ZDHHC2: variants seen among roughly 807,000 people sequenced by gnomAD.
ZDHHC2 encodes the protein zDHHC palmitoyltransferase 2, also known as palmitoyltransferase ZDHHC2.
In ZDHHC2, 51 loss-of-function variants were observed where a neutral mutation model predicts 55.6. The observed-to-expected ratio is 0.92, with a 90% CI of 0.73 to 1.16. ZDHHC2 has a LOEUF of 1.16. Ranked by LOEUF, ZDHHC2 falls within the 50% of genes most tolerant of loss-of-function variation. The pLI is 0.00. For missense variants in ZDHHC2, 491 were observed against 442.4 expected, an observed-to-expected ratio of 1.11 and a Z score of -0.99; for synonymous variants, 199 against 152.9, an observed-to-expected ratio of 1.30 and a Z score of -2.22.
chr8:17,167,417 C>T (rs951199023), intron 1 of ZDHHC2, among the ~76,000 whole-genome samples: 16 of 151,192 alleles, frequency 1.1e-4, no homozygotes, highest in African/African-American at 2.7e-4. Context: ...GTAATTCTCC[C>T]GCCTCAGCCT....
intron 1 of ZDHHC2, among the ~76,000 whole-genome samples, chr8:17,165,729 C>T (rs1804568660): frequency 1.3e-5 from 2 of 152,206 alleles, no homozygotes; most frequent in South Asian, 4.1e-4. Flanking sequence ...AGTGGCATGA[C>T]ACAAAGCAAA....
At chr8:17,214,995 G>A (rs1396836285) in intron 10 of ZDHHC2, among the ~76,000 whole-genome samples, 2 of 152,154 alleles carry the variant, frequency 1.3e-5, no homozygotes, top group African/African-American at 2.4e-5. Context: ...AGATTTTCCA[G>A]TGTTAGAGAT....
chr8:17,171,406 C>T (rs1257842160), intron 1 of ZDHHC2, among the ~76,000 whole-genome samples: 1 of 152,134 alleles, frequency 6.6e-6, no homozygotes, highest in Non-Finnish European at 1.5e-5. Context: ...CCTTATTTAT[C>T]TACATTGCTT....
At chr8:17,197,890 C>G (rs542527158) in intron 5 of ZDHHC2, among the ~76,000 whole-genome samples, 38 of 152,276 alleles carry the variant, frequency 2.5e-4, no homozygotes, top group South Asian at 4.1e-4. Context: ...TTTAGCAGTT[C>G]TGACTTGGCT....
chr8:17,163,559 A>T (rs1804459805), intron 1 of ZDHHC2, among the ~76,000 whole-genome samples: 2 of 152,132 alleles, frequency 1.3e-5, no homozygotes, highest in Admixed American at 1.3e-4. Context: ...TTCTCAGAAA[A>T]ATAGAGCTAT....
chr8:17,165,946 G>C (rs1044086804), intron 1 of ZDHHC2, among the ~76,000 whole-genome samples: 3 of 152,222 alleles, frequency 2.0e-5, no homozygotes, highest in Non-Finnish European at 4.4e-5. Flanking sequence ...GCATGTGTGA[G>C]GAAGAGCAAG....
chr8:17,168,686 A>C (rs1226527562), intron 1 of ZDHHC2, among the ~76,000 whole-genome samples: 9 of 151,744 alleles, frequency 5.9e-5, no homozygotes, highest in Non-Finnish European at 8.8e-5. Flanking sequence ...CCACCATTCT[A>C]CTTTCTGCCT....
At chr8:17,195,703 A>G in intron 4 of ZDHHC2, 79 bp downstream of exon 4, 1 of 1,556,658 alleles carries the variant, frequency 6.4e-7, no homozygotes, top group Non-Finnish European at 8.8e-7. Context: ...GTGTTTATGT[A>G]CTTGAAATGG....
intron 10 of ZDHHC2, among the ~76,000 whole-genome samples, chr8:17,213,095 A>G (rs1190301640): frequency 1.3e-5 from 2 of 152,022 alleles, no homozygotes; most frequent in African/African-American, 4.8e-5. Context: ...TGTCCTTGCT[A>G]ATTCCCTTTC....
At chr8:17,204,502 A>T (rs1165571907) in intron 6 of ZDHHC2, among the ~76,000 whole-genome samples, 1 of 152,262 alleles carries the variant, frequency 6.6e-6, no homozygotes, top group South Asian at 2.1e-4. Context: ...GATGTATCAC[A>T]TTGACACAAG....
At position 17,205,815 on chromosome 8, in the gene ZDHHC2, T is replaced by C. The variant is rs746357006; in HGVS notation, c.597+40T>C. On this transcript the variant is annotated intron_variant, in intron 7 of 12. Coordinates refer to ENST00000262096, the MANE Select transcript of ZDHHC2 (RefSeq NM_016353.5). ...TGGTAACTCTTTTTTTGGTATACAA[T>C]AATAGATAATATAGGCTTTTCAGAA... The C allele has an allele frequency of 2.6e-6, 4 of 1,554,914 alleles. No homozygotes were observed. The Admixed American group carries it at 8.3e-5, about 32-fold the overall frequency.
At chr8:17,220,016 C>T (rs1313451379) in intron 12 of ZDHHC2, among the ~76,000 whole-genome samples, 1 of 129,296 alleles carries the variant, frequency 7.7e-6, no homozygotes, top group African/African-American at 2.9e-5. Context: ...CCTAGACCTA[C>T]TGAATCAGAG....
intron 6 of ZDHHC2, among the ~76,000 whole-genome samples, chr8:17,199,003 A>G (rs1362581001): frequency 2.6e-5 from 4 of 152,134 alleles, no homozygotes; most frequent in African/African-American, 4.8e-5. Flanking sequence ...TCCTTTTCCT[A>G]TAATTTTTCA....
rs375924295 is a variant in ZDHHC2 at position 17,186,333 on chromosome 8, G to A, written c.160G>A (p.Val54Met). The change falls in exon 3 of 13, where the codon GTG becomes ATG. Residue 54 changes from valine (V) to methionine (M), a missense_variant and splice_region_variant. By Grantham distance (21) the Val-to-Met change is conservative (BLOSUM62 1). Coordinates refer to ENST00000262096, the MANE Select transcript of ZDHHC2 (RefSeq NM_016353.5). ...VSMENTGEQV[V>M]CLMAYHLLFA... ...TAATTATGTTTTTCTCATTTTAGTT[G>A]TGTGCCTGATGGCCTATCATCTACT... is the stretch of plus-strand genomic sequence containing the variant. The A allele has an allele frequency of 2.5e-6, 4 of 1,588,816 alleles. No homozygotes were observed. In the African/African-American group the frequency reaches 5.4e-5, roughly 21 times the overall value.
intron 6 of ZDHHC2, among the ~76,000 whole-genome samples, chr8:17,201,632 A>G (rs62497332): frequency 0.65 from 93,223 of 144,026 alleles, 31,573 homozygotes; most frequent in Non-Finnish European, 0.77. Flanking sequence ...AGCTGGGACT[A>G]TAGGCGCCCA....
At position 17,170,610 on chromosome 8, in the gene ZDHHC2, C is replaced by A. The variant is rs1804813524; in HGVS notation, c.130+13757C>A. Reference sequence around the variant, plus strand: ...GATGGTTTTAGAACGTTGCCTGTTTCCTTGGAGATGCAGAAAAGATGCATT... The same window carrying A: ...GATGGTTTTAGAACGTTGCCTGTTTACTTGGAGATGCAGAAAAGATGCATT... On this transcript the variant is annotated intron_variant, in intron 1 of 12. Coordinates refer to ENST00000262096, the MANE Select transcript of ZDHHC2 (RefSeq NM_016353.5). Among the ~76,000 whole-genome samples, 3 of 152,152 alleles carry A rather than the reference C, an allele frequency of 2.0e-5. No homozygotes were observed. The South Asian group carries it at 6.2e-4, about 32-fold the overall frequency.
intron 8 of ZDHHC2, among the ~76,000 whole-genome samples, chr8:17,208,884 G>A (rs1040247379): frequency 1.8e-4 from 28 of 152,022 alleles, no homozygotes; most frequent in African/African-American, 5.6e-4. Flanking sequence ...GACTTCCCCT[G>A]GATAATATGA....
rs767369941 is a variant in ZDHHC2 at position 17,208,016 on chromosome 8, A to C, written c.654A>C (p.Ala218=). The change falls in exon 8 of 13, where the codon GCA becomes GCC. Residue 218 remains alanine (A), a synonymous_variant. Coordinates refer to ENST00000262096, the MANE Select transcript of ZDHHC2 (RefSeq NM_016353.5). The part of the protein sequence containing the change: ...KFHIMFLFFA[A]AMFSVSLSSL... ...ATATTATGTTTTTATTCTTTGCTGC[A>C]GCTATGTTTTCTGTCAGCTTGTCTT... is the stretch of plus-strand genomic sequence containing the variant. 6.3e-7 allele frequency: 1 copy of C among 1,596,936 alleles called. No homozygotes were observed. Among genetic ancestry groups the C allele is most frequent in the Admixed American group, 1.7e-5 (1 of 57,728 alleles).
intron 1 of ZDHHC2, among the ~76,000 whole-genome samples, chr8:17,159,271 T>A (rs1482297434): frequency 3.3e-5 from 5 of 152,214 alleles, no homozygotes; most frequent in Non-Finnish European, 7.3e-5. Context: ...CTTTTTCTCT[T>A]GGAAGTTGCC....
Sources: allele counts gnomAD v4.1 joint callset (sites outside exome capture counted in the v4.1 genomes callset), GRCh38; gene constraint gnomAD v4.1.1; transcripts MANE v1.5; gene names NCBI Gene and HGNC (gene_info 2026-07-23, HGNC 2026-07-21).